The following ARHGEF18 variants were observed in gnomAD, a reference collection of about 807,000 sequenced individuals.
ARHGEF18 encodes rho guanine nucleotide exchange factor 18.
A neutral mutation model predicts 155.7 loss-of-function variants in ARHGEF18; 93 were observed. The ratio of observed to expected loss-of-function variants is 0.60; its 90% confidence interval spans 0.50 to 0.71. The LOEUF is 0.71. Ranked by LOEUF, ARHGEF18 falls within the 30% of genes least tolerant of loss-of-function variation. The pLI, the probability that ARHGEF18 is intolerant of heterozygous loss-of-function variation, is 0.00. For synonymous variants in ARHGEF18, 742 were observed against 753.1 expected (o/e 0.99, Z 0.24); for missense variants, 1,593 against 1,816.1 (o/e 0.88, Z 2.23).
chr19:7,368,707 A>G (rs1182312464), intron 2 of ARHGEF18, among the ~76,000 whole-genome samples: 1 of 152,152 alleles, frequency 6.6e-6, no homozygotes, highest in Non-Finnish European at 1.5e-5. Context: ...TGAAAACCAG[A>G]GACACAAAAA....
intron 3 of ARHGEF18, among the ~76,000 whole-genome samples, chr19:7,375,364 AGG>A (rs1970403930): frequency 6.7e-6 from 1 of 150,202 alleles, no homozygotes; most frequent in Non-Finnish European, 1.5e-5. Flanking sequence ...AAAGGAAGGA[AGG>A]AAGGAAGGAA....
chr19:7,362,987 C>A, intron 2 of ARHGEF18, 82 bp downstream of exon 2: 1 of 1,225,116 alleles, frequency 8.2e-7, no homozygotes, highest in Non-Finnish European at 1.0e-6. Flanking sequence ...CTGCATTTTA[C>A]CAGGCACTTT....
At chr19:7,387,678 G>A (rs1432907230) in intron 10 of ARHGEF18, among the ~76,000 whole-genome samples, 1 of 151,966 alleles carries the variant, frequency 6.6e-6, no homozygotes, top group Non-Finnish European at 1.5e-5. Flanking sequence ...TTTGCTTTTG[G>A]TTTTGTTCTG....
At chr19:7,350,767 G>GTGTGTGTGT in intron 1 of ARHGEF18, among the ~76,000 whole-genome samples, 1 of 19,492 alleles carries the variant, frequency 5.1e-5, no homozygotes, top group African/African-American at 1.1e-4. Flanking sequence ...TTTTGGGGTG[G>GTGTGTGTGT]GTGTGTGTGT....
chr19:7,463,981 T>G lies in ARHGEF18; in HGVS notation c.2773+26T>G, dbSNP rs1292042474. ...GTAAGAGCGGGGCCGTCTCCCCTCC[T>G]GCCTCCAGGGCCGCCCCTCAGGATG... On this transcript the variant is annotated intron_variant, in intron 22 of 28. Coordinates refer to ENST00000668164, the MANE Select transcript of ARHGEF18 (RefSeq NM_001367823.1). This position sits in a 1 kb window ranked among gnomAD's most constrained non-coding sequence, Gnocchi z 5.2. The G allele has an allele frequency of 6.4e-7, 1 of 1,556,092 alleles. No individual in the cohort carries two copies. The highest frequency in any genetic ancestry group is 2.0e-5 in the Admixed American group (1 of 50,568).
At chr19:7,445,654 C>CT (rs1423910965) in intron 14 of ARHGEF18, among the ~76,000 whole-genome samples, 1 of 152,170 alleles carries the variant, frequency 6.6e-6, no homozygotes, top group Non-Finnish European at 1.5e-5. Context: ...AAGTCTCACT[C>CT]TGTCGCCCAG....
chr19:7,367,977 A>AGAG (rs1970005730), intron 2 of ARHGEF18, among the ~76,000 whole-genome samples: 4 of 66,760 alleles, frequency 6.0e-5, no homozygotes, highest in Admixed American at 2.3e-4. Flanking sequence ...AAAGGAAAGA[A>AGAG]AGAGAGAGAG....
rs1243204404 is a variant in ARHGEF18 at position 7,467,539 on chromosome 19, A to G, written c.3335A>G (p.Gln1112Arg). 1.2e-5 allele frequency: 17 copies of G among 1,449,776 alleles called. No homozygotes were observed. The highest frequency in any genetic ancestry group is 1.5e-5 in the African/African-American group (1 of 66,712). 89.8% of individuals were successfully genotyped at this position (1,449,776 alleles called of 1,614,324 possible). ...LEQERAELER[Q>R]RQAYQHDLER... ...CAGGAGCGGGCCGAGCTGGAGCGCC[A>G]GCGCCAGGCCTACCAGCACGACCTG... Residue 1112 changes from glutamine (Q) to arginine (R), a missense_variant, in exon 26 of 29, where the codon CAG (glutamine) becomes CGG (arginine). Physicochemically the swap from Gln to Arg is conservative, Grantham distance 43. Transcript: ENST00000668164.
rs1974588205 is a variant in ARHGEF18, at chr19:7,440,722, G to T, written c.1106+240G>T. On this transcript the variant is annotated intron_variant, in intron 11 of 28. Coordinates refer to ENST00000668164, the MANE Select transcript of ARHGEF18 (RefSeq NM_001367823.1). This position sits in a 1 kb window ranked among gnomAD's most constrained non-coding sequence, Gnocchi z 5.4. Reference sequence around the variant, plus strand: ...GAGCCAGTTTGCTTAGTGCCCTCGAGGGATCCTTGGACTCGCTCCTTAGGC... The same window carrying T: ...GAGCCAGTTTGCTTAGTGCCCTCGATGGATCCTTGGACTCGCTCCTTAGGC... Among the ~76,000 whole-genome samples, 2 of 152,134 alleles carry T rather than the reference G, an allele frequency of 1.3e-5. No homozygotes were observed. Among genetic ancestry groups the T allele is most frequent in the African/African-American group, 2.4e-5 (1 of 41,424 alleles).
At position 7,364,342 on chromosome 19, in the gene ARHGEF18, A is replaced by G. The variant is rs557689542; in HGVS notation, c.15+1437A>G. Among the ~76,000 whole-genome samples the G allele has an allele frequency of 2.7e-4, 29 of 106,928 alleles. No homozygotes were observed. The East Asian group carries it at 8.1e-3, about 30-fold the overall frequency. The allele number at this position is 106,928 out of a possible 152,430, so 70.1% of individuals were successfully genotyped here. A position where few individuals can be genotyped will look rare whatever the true frequency, so the allele number is the denominator to read the frequency against. ...ATAGATGAGAAGAAGGATGAGAGGAAGAAAGGAAGGAAGGAGGGAAGGAAA... is the reference window on the plus strand; with the variant it reads ...ATAGATGAGAAGAAGGATGAGAGGAGGAAAGGAAGGAAGGAGGGAAGGAAA... On this transcript the variant is annotated intron_variant, in intron 2 of 28. Coordinates refer to ENST00000668164, the MANE Select transcript of ARHGEF18 (RefSeq NM_001367823.1).
intron 2 of ARHGEF18, among the ~76,000 whole-genome samples, chr19:7,363,141 T>C (rs564781010): frequency 2.6e-5 from 4 of 151,962 alleles, no homozygotes; most frequent in Admixed American, 2.0e-4. Flanking sequence ...GATGGATAGA[T>C]GGATGGGTGG....
chr19:7,399,539 T>C (rs1055730186), intron 10 of ARHGEF18, among the ~76,000 whole-genome samples: 1 of 151,582 alleles, frequency 6.6e-6, no homozygotes, highest in Non-Finnish European at 1.5e-5. Context: ...TGGAGTGCAG[T>C]GGCGCGATCT....
chr19:7,460,643 G>A (rs868641787), intron 20 of ARHGEF18, among the ~76,000 whole-genome samples: 8 of 151,682 alleles, frequency 5.3e-5, no homozygotes, highest in African/African-American at 1.5e-4. Context: ...GTCACACCGC[G>A]CGGCCTTTTG....
chr19:7,359,643 T>C lies in ARHGEF18; in HGVS notation c.-110-3138T>C, dbSNP rs1310500532. Among the ~76,000 whole-genome samples the C allele has an allele frequency of 5.9e-5, 9 of 152,200 alleles. No homozygotes were observed. In the South Asian group the frequency reaches 8.3e-4, roughly 14 times the overall value. ...GTTCATTCTATGATACAAGAATGAA[T>C]GCTCAACCAATGACAGCCAGATGAA... On this transcript the variant is annotated intron_variant, in intron 1 of 28. Transcript: ENST00000668164.
intron 14 of ARHGEF18, among the ~76,000 whole-genome samples, chr19:7,446,151 A>G (rs1466378379): frequency 6.6e-6 from 1 of 152,102 alleles, no homozygotes; most frequent in Non-Finnish European, 1.5e-5. Context: ...TGACCCCAAC[A>G]CTTTGGGAGG....
Position 7,439,885 on chromosome 19 carries a change from T to G in ARHGEF18, c.968-459T>G, listed in dbSNP as rs1974513397. On this transcript the variant is annotated intron_variant, in intron 10 of 28. Coordinates refer to ENST00000668164, the MANE Select transcript of ARHGEF18 (RefSeq NM_001367823.1). ...ACCAAGGGAGAGCCTGGAGGGGTTGTTTTTTTTTTCTGTTTTATTCTATCA... is the reference window on the plus strand; with the variant it reads ...ACCAAGGGAGAGCCTGGAGGGGTTGGTTTTTTTTTCTGTTTTATTCTATCA... 1.4e-5 allele frequency: 19 copies of G among 1,379,634 alleles called. No homozygotes were observed. The South Asian group carries it at 1.4e-4, about 10-fold the overall frequency. The allele number at this position is 1,379,634 out of a possible 1,614,324, so 85.5% of individuals were successfully genotyped here.
At chr19:7,398,616 G>T (rs1006294134) in intron 10 of ARHGEF18, among the ~76,000 whole-genome samples, 3 of 150,746 alleles carry the variant, frequency 2.0e-5, no homozygotes, top group Non-Finnish European at 4.4e-5. Context: ...GCTTGAACCC[G>T]CAAGGCAGAG....
intron 27 of ARHGEF18, 35 bp from the exon 28 acceptor site, chr19:7,469,869 G>T (rs764897908): frequency 6.2e-7 from 1 of 1,606,998 alleles, no homozygotes. Flanking sequence ...CAGCTGGCCA[G>T]CCTGGAGCTG....
chr19:7,421,812 G>A (rs998321314), intron 10 of ARHGEF18, among the ~76,000 whole-genome samples: 3 of 152,014 alleles, frequency 2.0e-5, no homozygotes, highest in Non-Finnish European at 2.9e-5. Context: ...CTGACTCCAC[G>A]CACGTCTCAA....
Sources: allele counts gnomAD v4.1 joint callset (sites outside exome capture counted in the v4.1 genomes callset), GRCh38; gene constraint gnomAD v4.1.1; non-coding constraint Gnocchi (gnomAD v3.1); transcripts MANE v1.5; gene names NCBI Gene and HGNC (gene_info 2026-07-23, HGNC 2026-07-21).